The following PTPN4 variants were observed in gnomAD, a reference collection of about 807,000 sequenced individuals.
The protein encoded by PTPN4 is protein tyrosine phosphatase non-receptor type 4, also known as tyrosine-protein phosphatase non-receptor type 4.
PTPN4 carries 49 observed loss-of-function variants against 135.5 expected under a neutral mutation model. The ratio of observed to expected loss-of-function variants is 0.36; its 90% CI spans 0.29 to 0.46. The LOEUF is 0.46. PTPN4 is among the 20% of genes least tolerant of loss of function. The pLI is 1.00. For missense variants in PTPN4, 860 were observed against 1,101.0 expected (o/e 0.78, Z 3.10); for synonymous variants, 333 against 369.9 (o/e 0.90, Z 1.14).
At chr2:119,881,395 A>G (rs181059664) in intron 5 of PTPN4, among the ~76,000 whole-genome samples, 1 of 152,280 alleles carries the variant, frequency 6.6e-6, no homozygotes, top group Admixed American at 6.5e-5. Context: ...AGCGAAAATC[A>G]TCGCTGGTCT....
chr2:119,943,587 T>TTC (rs1679090980), intron 15 of PTPN4, among the ~76,000 whole-genome samples: 1 of 126,424 alleles, frequency 7.9e-6, no homozygotes, highest in Non-Finnish European at 1.7e-5. Context: ...TTTCTTTTTT[T>TTC]TTTTTTTTTT....
intron 1 of PTPN4, among the ~76,000 whole-genome samples, chr2:119,778,264 C>G (rs1690874840): frequency 1.3e-5 from 2 of 152,162 alleles, no homozygotes; most frequent in Non-Finnish European, 1.5e-5. Flanking sequence ...AAAGAACTAG[C>G]TGGCTGCTTC....
chr2:119,763,709 G>T (rs564554225), intron 1 of PTPN4, among the ~76,000 whole-genome samples: 2 of 152,262 alleles, frequency 1.3e-5, no homozygotes, highest in South Asian at 4.1e-4. Flanking sequence ...TGCACTGTTA[G>T]TTATGGTAGC....
rs758412802 is a variant in PTPN4 at position 119,932,498 on chromosome 2, G to T, written c.1145G>T (p.Arg382Met). The T allele has an allele frequency of 1.2e-6, 2 of 1,612,178 alleles. No individual in the cohort carries two copies. Among genetic ancestry groups the T allele is most frequent in the Non-Finnish European group, 8.5e-7 (1 of 1,178,524 alleles). ...VVSRNSISDD[R>M]LETQSLPSRS... is the part of the protein sequence containing the mutation. ...AGCAGAAATTCAATATCTGATGACA[G>T]GTTAGAAACACAAAGTCTTCCATCA... The change falls in exon 14 of 27, where the codon AGG (arginine) becomes ATG (methionine). Residue 382 changes from arginine (R) to methionine (M), a missense_variant. Coordinates refer to ENST00000263708, the MANE Select transcript of PTPN4 (RefSeq NM_002830.4).
Position 119,877,306 on chromosome 2 carries a change from A to T in PTPN4, c.247-17A>T. ...CTCAAGGAAAAAAGAAATCAGTTTT[A>T]TTTATTTATTTTTCAGAGGTGGCTG... On this transcript the variant is annotated splice_polypyrimidine_tract_variant and intron_variant, in intron 3 of 26. Transcript: ENST00000263708. The T allele has an allele frequency of 6.2e-7, 1 of 1,603,988 alleles. No individual in the cohort carries two copies. Among genetic ancestry groups the T allele is most frequent in the Non-Finnish European group, 8.5e-7 (1 of 1,176,118 alleles).
rs1021918405 is a variant in PTPN4, at chr2:119,980,815, A to C, written c.*3745A>C. On this transcript the variant is annotated 3_prime_UTR_variant, in exon 27 of 27. Coordinates refer to ENST00000263708, the MANE Select transcript of PTPN4 (RefSeq NM_002830.4). ...CTTTTGTAAAGTATTTAGACTGATA[A>C]CACATGCAGTATGAAAACATTATAG... is the stretch of plus-strand genomic sequence containing the variant. The C allele has an allele frequency of 6.6e-6, 1 of 152,052 alleles. No individual in the cohort carries two copies. The highest frequency in any genetic ancestry group is 2.4e-5 in the African/African-American group (1 of 41,454). The allele number at this position is 152,052 out of a possible 1,614,324, so 9.4% of individuals were successfully genotyped here.
At position 119,967,818 on chromosome 2, in the gene PTPN4, C is replaced by T; in HGVS notation, c.2559-19C>T. ...CAGAATAGTATCGGTAAGATCTTGCCTATATTTGTCTTTTTTAGTGCTGGA... is the reference window on the plus strand; with the variant it reads ...CAGAATAGTATCGGTAAGATCTTGCTTATATTTGTCTTTTTTAGTGCTGGA... On this transcript the variant is annotated intron_variant, in intron 25 of 26. Transcript: ENST00000263708. 1 of 1,573,544 alleles carries T rather than the reference C, an allele frequency of 6.4e-7. No individual in the cohort carries two copies. The highest frequency in any genetic ancestry group is 1.2e-5 in the South Asian group (1 of 83,732).
chr2:119,801,466 A>G (rs978745426), intron 1 of PTPN4, among the ~76,000 whole-genome samples: 3 of 152,210 alleles, frequency 2.0e-5, no homozygotes, highest in Non-Finnish European at 2.9e-5. Flanking sequence ...TAGAAATTAC[A>G]TTAAACCTGT....
intron 12 of PTPN4, among the ~76,000 whole-genome samples, chr2:119,922,105 C>T (rs1437709117): frequency 6.6e-6 from 1 of 150,850 alleles, no homozygotes; most frequent in Non-Finnish European, 1.5e-5. Flanking sequence ...CATACGGTGA[C>T]TTCAAATACA....
chr2:119,804,192 A>C (rs533298063), intron 1 of PTPN4, among the ~76,000 whole-genome samples: 1 of 152,126 alleles, frequency 6.6e-6, no homozygotes, highest in African/African-American at 2.4e-5. Context: ...AGCTCACTGT[A>C]ACCTTGAACT....
At position 119,903,341 on chromosome 2, in the gene PTPN4, C is replaced by T. The variant is rs559665582; in HGVS notation, c.764+2535C>T. Among the ~76,000 whole-genome samples, 26 of 152,162 alleles carry T rather than the reference C, an allele frequency of 1.7e-4. No individual in the cohort carries two copies. In the South Asian group the frequency reaches 4.4e-3, roughly 25 times the overall value. ...AGGGACATTTATATGCCCTGTCCACCGTCACCAGTGATAACATCAAGGGCC... is the reference window on the plus strand; with the variant it reads ...AGGGACATTTATATGCCCTGTCCACTGTCACCAGTGATAACATCAAGGGCC... On this transcript the variant is annotated intron_variant, in intron 10 of 26. Transcript: ENST00000263708.
intron 1 of PTPN4, among the ~76,000 whole-genome samples, chr2:119,784,660 T>G (rs902367737): frequency 2.0e-5 from 3 of 151,622 alleles, no homozygotes; most frequent in Non-Finnish European, 2.9e-5. Context: ...GTGCTGGGAT[T>G]ACAGGCATGA....
chr2:119,762,073 G>A (rs1690517196), intron 1 of PTPN4, among the ~76,000 whole-genome samples: 1 of 151,952 alleles, frequency 6.6e-6, no homozygotes, highest in South Asian at 2.1e-4. Context: ...TCTAATTTAG[G>A]CTAGGCATAA....
chr2:119,784,119 G>T (rs1208469396), intron 1 of PTPN4, among the ~76,000 whole-genome samples: 3 of 152,104 alleles, frequency 2.0e-5, no homozygotes, highest in Non-Finnish European at 2.9e-5. Context: ...GTGTTCCAAG[G>T]GAGCTAGATA....
At chr2:119,889,830 G>A (rs1355416559) in intron 9 of PTPN4, among the ~76,000 whole-genome samples, 1 of 151,922 alleles carries the variant, frequency 6.6e-6, no homozygotes, top group African/African-American at 2.4e-5. Context: ...ATTTTCATTT[G>A]TTTCAAAGAA....
At chr2:119,836,495 A>G (rs956442501) in intron 2 of PTPN4, among the ~76,000 whole-genome samples, 2 of 152,210 alleles carry the variant, frequency 1.3e-5, no homozygotes, top group South Asian at 2.1e-4. Flanking sequence ...AAAGACACCA[A>G]CTGCAGTGGG....
In PTPN4 at chr2:119,769,349, GCGAGCTGCCTGTAT is replaced by G. The variant is rs1282552951; in HGVS notation, c.-18+8967_-18+8980del. 2.0e-5 allele frequency among the ~76,000 whole-genome samples: 3 copies of G among 152,172 alleles called. No individual in the cohort carries two copies. In the East Asian group the frequency reaches 5.8e-4, roughly 29 times the overall value. ...CTAGTTGGTTTTCCAGTGTGTTCAG[GCGAGCTGCCTGTAT>G]CAGAATTATGGAGATACTAATGAAA... On this transcript the variant is annotated intron_variant, in intron 1 of 26. Transcript: ENST00000263708.
intron 9 of PTPN4, among the ~76,000 whole-genome samples, chr2:119,887,895 A>G (rs547149240): frequency 6.6e-6 from 1 of 152,220 alleles, no homozygotes; most frequent in South Asian, 2.1e-4. Flanking sequence ...TGTTTTTTCT[A>G]ATTCTATGAA....
At chr2:119,957,850 T>G (rs1679311096) in intron 22 of PTPN4, among the ~76,000 whole-genome samples, 1 of 152,146 alleles carries the variant, frequency 6.6e-6, no homozygotes, top group Admixed American at 6.5e-5. Context: ...TCACTCTTGA[T>G]GCCAACATGT....
Sources: gnomAD v4.1 joint callset for allele counts (sites outside exome capture counted in the v4.1 genomes callset) on GRCh38, gnomAD v4.1.1 for gene constraint, MANE v1.5 for transcripts, NCBI Gene and HGNC (gene_info 2026-07-23, HGNC 2026-07-21) for gene names.